The following ACOT11 variants were observed in gnomAD, a reference collection of about 807,000 sequenced individuals.
ACOT11 encodes acyl-coenzyme A thioesterase 11.
Under a neutral mutation model 77.5 loss-of-function variants are expected in ACOT11, and 69 were observed. The observed-to-expected ratio is 0.89, with a 90% confidence interval of 0.73 to 1.09. The LOEUF (loss-of-function observed/expected upper bound fraction) is 1.09. Among genes scored for constraint, ACOT11 ranks in the 50% least tolerant of loss-of-function variants. ACOT11 has a pLI of 0.00. For missense variants in ACOT11, 766 were observed against 813.7 expected (o/e 0.94, Z 0.71); for synonymous variants, 279 against 313.0 (o/e 0.89, Z 1.15).
At chr1:54,588,403 A>G (rs1654581372) in intron 3 of ACOT11, among the ~76,000 whole-genome samples, 1 of 152,204 alleles carries the variant, frequency 6.6e-6, no homozygotes, top group Non-Finnish European at 1.5e-5. Flanking sequence ...GGTCATAGCT[A>G]TTAGTATCCT....
intron 1 of ACOT11, among the ~76,000 whole-genome samples, chr1:54,562,647 A>G (rs945016437): frequency 7.5e-6 from 1 of 133,036 alleles, no homozygotes; most frequent in Non-Finnish European, 1.6e-5. Flanking sequence ...CTCACTTCTC[A>G]GACGGGGTGG....
rs374607044 is a variant in ACOT11, at chr1:54,594,544, C to T, written c.472-12C>T. 6 of 1,609,174 alleles carry T rather than the reference C, an allele frequency of 3.7e-6. No individual in the cohort carries two copies. The African/African-American group carries it at 5.3e-5, about 14-fold the overall frequency. ...GCCCTGAGTGTCCCCCACCCTGTCCCCTGGCCGACAGGTGAAGCTGAAGCA... is the reference window on the plus strand; with the variant it reads ...GCCCTGAGTGTCCCCCACCCTGTCCTCTGGCCGACAGGTGAAGCTGAAGCA... On this transcript the variant is annotated splice_polypyrimidine_tract_variant and intron_variant, in intron 5 of 15. Coordinates refer to ENST00000343744, the MANE Select transcript of ACOT11 (RefSeq NM_147161.4).
intron 6 of ACOT11, among the ~76,000 whole-genome samples, chr1:54,596,641 T>G (rs1654908745): frequency 6.6e-6 from 1 of 152,228 alleles, no homozygotes; most frequent in South Asian, 2.1e-4. Flanking sequence ...TGGCGTGATC[T>G]CGGCTCACTG....
chr1:54,611,513 A>ATATCCCTTCCACCCAGC (rs1553165395), downstream of ACOT11: 13 of 1,290,956 alleles, frequency 1.0e-5, no homozygotes, highest in Non-Finnish European at 1.2e-5. Context: ...CCCCCTTCTG[A>ATATCCCTTCCACCCAGC]TATCCCTTCC....
In ACOT11 at chr1:54,607,560, C is replaced by T. The variant is rs1484098363; in HGVS notation, c.1502+295C>T. 6.6e-6 allele frequency among the ~76,000 whole-genome samples: 1 copy of T among 152,174 alleles called. No homozygotes were observed. The highest frequency in any genetic ancestry group is 1.5e-5 in the Non-Finnish European group (1 of 68,026). ...TTGGGCAGGATATTTCTCACGTGGCCACCTCCTTGGCCTCCTCCCTCTGAC... is the reference window on the plus strand; with the variant it reads ...TTGGGCAGGATATTTCTCACGTGGCTACCTCCTTGGCCTCCTCCCTCTGAC... On this transcript the variant is annotated intron_variant, in intron 14 of 15. Transcript: ENST00000343744. The surrounding 1 kb of genome is among the most constrained non-coding windows in gnomAD (Gnocchi z 4.5).
At position 54,609,056 on chromosome 1, in the gene ACOT11, G is replaced by A. The variant is rs765346821; in HGVS notation, c.1729G>A (p.Glu577Lys). ...SEFYTTFKAC[E>K]QFLLDNRNDL... ...GTTCTACACCACCTTCAAGGCTTGT[G>A]AGCAGTTTCTCTTGGACAACCGGAA... Residue 577 changes from glutamate (E) to lysine (K), a missense_variant, in exon 16 of 16, where the codon GAG (glutamate) becomes AAG (lysine). By Grantham distance (56) the Glu-to-Lys change is moderately conservative (BLOSUM62 1). Coordinates refer to ENST00000343744, the MANE Select transcript of ACOT11 (RefSeq NM_147161.4). 1.2e-6 allele frequency: 2 copies of A among 1,614,100 alleles called. No individual in the cohort carries two copies. The highest frequency in any genetic ancestry group is 1.7e-6 in the Non-Finnish European group (2 of 1,180,016).
chr1:54,610,020 G>A lies in ACOT11; in HGVS notation c.*908G>A. The A allele has an allele frequency of 2.0e-6, 3 of 1,501,414 alleles. No homozygotes were observed. In the East Asian group the frequency reaches 7.0e-5, roughly 35 times the overall value. The allele number at this position is 1,501,414 out of a possible 1,614,324, so 93.0% of individuals were successfully genotyped here. On this transcript the variant is annotated 3_prime_UTR_variant, in exon 16 of 16. Coordinates refer to ENST00000343744, the MANE Select transcript of ACOT11 (RefSeq NM_147161.4). ...TTAAGAGTCCCTTGTTAAAGGGGCA[G>A]TGGGAGTTATGGGGTCATCAAGGAC...
chr1:54,601,112 CAT>C (rs1478928760), intron 8 of ACOT11, among the ~76,000 whole-genome samples, 155 bp from the exon 9 acceptor site: 2 of 150,756 alleles, frequency 1.3e-5, no homozygotes, highest in African/African-American at 4.9e-5. Flanking sequence ...TATGTGTGTG[CAT>C]ACATGTGTGT....
In ACOT11 at chr1:54,630,829, C is replaced by G. The variant is rs113917018; in HGVS notation, c.1725C>G (p.Asp575Glu). ...CCAGGTCAAAGGGTCGCAGGAGCGACGGTTGGAATGGAAAACTAGCTGGAG... is the reference window on the plus strand; with the variant it reads ...CCAGGTCAAAGGGTCGCAGGAGCGAGGGTTGGAATGGAAAACTAGCTGGAG... Residue 575 changes from aspartate (D) to glutamate (E), a missense_variant, in exon 16 of 17, where the codon GAC becomes GAG. By Grantham distance (45) the Asp-to-Glu change is conservative. Transcript: ENST00000371316. 56 of 768,496 alleles carry G rather than the reference C, an allele frequency of 7.3e-5. 1 individual carries two copies. The African/African-American group carries it at 7.9e-4, about 11-fold the overall frequency. The allele number at this position is 768,496 out of a possible 1,614,324, so 47.6% of individuals were successfully genotyped here.
At chr1:54,614,931 G>A (rs1644156018), downstream of ACOT11, 2 of 1,359,300 alleles carry the variant, frequency 1.5e-6, no homozygotes, top group Non-Finnish European at 2.0e-6. Context: ...TGGGCAGAAA[G>A]CAGAGCGGGT....
At position 54,584,797 on chromosome 1, in the gene ACOT11, A is replaced by G. The variant is rs1448506184; in HGVS notation, c.176A>G (p.Asn59Ser). 1.2e-6 allele frequency: 2 copies of G among 1,614,056 alleles called. No individual in the cohort carries two copies. The highest frequency in any genetic ancestry group is 3.3e-5 in the Admixed American group (2 of 60,022). ...CAGCTGGTGCTGCCCTGCCACACCA[A>G]CCAACGTGGTGAGCTGAGCGTCGGG... is the stretch of plus-strand genomic sequence containing the variant. ...MSQLVLPCHTNQRGELSVGQL... is the reference protein window; with the variant it reads ...MSQLVLPCHTSQRGELSVGQL... Residue 59 changes from asparagine to serine, a missense_variant, in exon 2 of 16, where the codon AAC (asparagine) becomes AGC (serine). Transcript: ENST00000343744. This position sits in a 1 kb window ranked among gnomAD's most constrained non-coding sequence, Gnocchi z 6.3.
intron 15 of ACOT11, among the ~76,000 whole-genome samples, chr1:54,617,147 A>G (rs1644181310): frequency 6.6e-6 from 1 of 152,244 alleles, no homozygotes; most frequent in African/African-American, 2.4e-5. Context: ...TAACTCAATC[A>G]GGTGGACATC....
At chr1:54,595,536 C>A (rs1198930405) in intron 6 of ACOT11, among the ~76,000 whole-genome samples, 3 of 152,202 alleles carry the variant, frequency 2.0e-5, no homozygotes, top group Non-Finnish European at 4.4e-5. Context: ...GAAGCATCTA[C>A]TATTACCCAT....
intron 16 of ACOT11, among the ~76,000 whole-genome samples, chr1:54,634,223 A>G (rs1419553255): frequency 6.6e-6 from 1 of 152,236 alleles, no homozygotes; most frequent in African/African-American, 2.4e-5. Context: ...TTTTCCTAAA[A>G]TGAAGCTATT....
At chr1:54,585,800 G>A (rs1049989620) in intron 2 of ACOT11, 35 bp from the exon 3 acceptor site, 2 of 1,611,538 alleles carry the variant, frequency 1.2e-6, no homozygotes, top group African/African-American at 2.7e-5. Context: ...ATCGGGGGAG[G>A]CTGCTAATGT....
chr1:54,608,184 C>T, intron 15 of ACOT11, 116 bp downstream of exon 15: 5 of 990,946 alleles, frequency 5.0e-6, no homozygotes, highest in Non-Finnish European at 5.8e-6. Flanking sequence ...CCAGCAGGCT[C>T]CCCCTTCCAG....
intron 15 of ACOT11, chr1:54,616,248 C>T (rs1417031577): frequency 1.2e-5 from 15 of 1,283,824 alleles, no homozygotes; most frequent in African/African-American, 1.5e-5. Context: ...AAAAGCATTA[C>T]AAATTACAGA....
chr1:54,567,694 C>T (rs1297267588), intron 1 of ACOT11, among the ~76,000 whole-genome samples: 2 of 152,124 alleles, frequency 1.3e-5, no homozygotes, highest in African/African-American at 4.8e-5. Flanking sequence ...CCGCTTCCCT[C>T]GACCACCCTC....
chr1:54,623,571 C>G (rs373548445), intron 15 of ACOT11: 1 of 601,844 alleles, frequency 1.7e-6, no homozygotes, highest in East Asian at 2.7e-5. Context: ...GAAGCCCCTC[C>G]TCCCTCCCCG....
Sources: allele counts gnomAD v4.1 joint callset (sites outside exome capture counted in the v4.1 genomes callset), GRCh38; gene constraint gnomAD v4.1.1; non-coding constraint Gnocchi (gnomAD v3.1); transcripts MANE v1.5; gene names NCBI Gene and HGNC (gene_info 2026-07-23, HGNC 2026-07-21).